The following EDN3 variants were observed in gnomAD, a reference collection of about 807,000 sequenced individuals.
The protein encoded by EDN3 is endothelin-3.
EDN3 carries 9 observed loss-of-function variants against 21.4 expected under a neutral mutation model. That is an observed-to-expected ratio of 0.42 (90% confidence interval 0.25 to 0.73). The LOEUF is 0.73. EDN3 is among the 30% of genes least tolerant of loss of function. The pLI is 0.26. For missense variants in EDN3, 327 were observed against 309.4 expected (o/e 1.06, Z -0.43); for synonymous variants, 133 against 126.2 (o/e 1.05, Z -0.36).
Position 59,322,034 on chromosome 20 carries a change from A to G in EDN3, c.543-338A>G, listed in dbSNP as rs1352491688. 2.0e-5 allele frequency among the ~76,000 whole-genome samples: 3 copies of G among 152,148 alleles called. No homozygotes were observed. The East Asian group carries it at 5.8e-4, about 29-fold the overall frequency. On this transcript the variant is annotated intron_variant, in intron 3 of 4. Transcript: ENST00000337938. This position sits in a 1 kb window ranked among gnomAD's most constrained non-coding sequence, Gnocchi z 4.1. The stretch of plus-strand genomic sequence containing the variant: ...CTGCCCTGATGCACACAAAAGACAC[A>G]TAGGCAGGGGTGAGCTCCCAACACC...
At chr20:59,301,813 G>A (rs576171139) in intron 2 of EDN3, 91 bp downstream of exon 2, 26 of 1,423,616 alleles carry the variant, frequency 1.8e-5, no homozygotes, top group East Asian at 1.8e-4. Flanking sequence ...CCCCAGCCCC[G>A]CTCAGTTAGC....
intron 1 of EDN3, among the ~76,000 whole-genome samples, chr20:59,301,073 A>G (rs1450806890): frequency 6.6e-6 from 1 of 152,192 alleles, no homozygotes; most frequent in African/African-American, 2.4e-5. Context: ...CAGCCCGCGC[A>G]CTGGCTGGAG....
intron 2 of EDN3, among the ~76,000 whole-genome samples, chr20:59,320,437 C>A (rs965146179): frequency 6.6e-6 from 1 of 152,254 alleles, no homozygotes; most frequent in Non-Finnish European, 1.5e-5. Context: ...CAGACCAGCA[C>A]GTAGGTTGCC....
chr20:59,313,392 G>A (rs979222678), intron 2 of EDN3, among the ~76,000 whole-genome samples: 4 of 152,134 alleles, frequency 2.6e-5, no homozygotes, highest in African/African-American at 9.7e-5. Flanking sequence ...TAAATGAAAC[G>A]AAGGAACTGG....
At chr20:59,321,614 G>GC (rs1990554825) in intron 3 of EDN3, among the ~76,000 whole-genome samples, 1 of 152,194 alleles carries the variant, frequency 6.6e-6, no homozygotes, top group Non-Finnish European at 1.5e-5. Context: ...TGGGAGGGGG[G>GC]GGAACCCAGC....
chr20:59,306,517 G>A (rs1007228968), intron 2 of EDN3, among the ~76,000 whole-genome samples: 2 of 145,946 alleles, frequency 1.4e-5, no homozygotes, highest in Non-Finnish European at 3.0e-5. Context: ...AGGCTGCCCT[G>A]GATCAAGCCA....
At chr20:59,301,344 T>TG in intron 1 of EDN3, 66 bp from the exon 2 acceptor site, 1 of 1,560,808 alleles carries the variant, frequency 6.4e-7, no homozygotes, top group Non-Finnish European at 8.7e-7. Flanking sequence ...CTCAGGTGTT[T>TG]GGGGGTGGCG....
At chr20:59,311,547 G>T (rs1280024046) in intron 2 of EDN3, among the ~76,000 whole-genome samples, 1 of 152,088 alleles carries the variant, frequency 6.6e-6, no homozygotes, top group African/African-American at 2.4e-5. Context: ...CATGGCGCTG[G>T]TGGGAGTGTC....
chr20:59,321,176 A>G lies in EDN3; in HGVS notation c.525A>G (p.Gln175=), dbSNP rs34780366. The G allele has an allele frequency of 8.1e-4, 1,308 of 1,614,180 alleles. 15 individuals carry two copies. In the African/African-American group the frequency reaches 0.015, roughly 19 times the overall value. The change falls in exon 3 of 5, where the codon CAA becomes CAG. Residue 175 remains glutamine (Q), a synonymous_variant. Transcript: ENST00000337938. ...YDKACLHFCT[Q]TLDVSSNSRT... is the part of the protein sequence containing the mutation. ...AGGCCTGCCTGCACTTTTGCACCCA[A>G]ACTCTGGACGTCAGCAGGTATGACA...
intron 2 of EDN3, among the ~76,000 whole-genome samples, chr20:59,319,916 A>T (rs1990420832): frequency 6.6e-6 from 1 of 152,346 alleles, no homozygotes; most frequent in African/African-American, 2.4e-5. Context: ...CTTTGGCCAC[A>T]TGTTTCTTCT....
At chr20:59,318,182 G>GA (rs1418923972) in intron 2 of EDN3, among the ~76,000 whole-genome samples, 1 of 152,210 alleles carries the variant, frequency 6.6e-6, no homozygotes, top group African/African-American at 2.4e-5. Context: ...CCTGCAGGGT[G>GA]ACAGCTGCTT....
intron 2 of EDN3, among the ~76,000 whole-genome samples, chr20:59,320,419 C>T (rs985677522): frequency 6.6e-6 from 1 of 152,222 alleles, no homozygotes; most frequent in South Asian, 2.1e-4. Context: ...CTGATCAGGG[C>T]GAAGACCCAG....
intron 2 of EDN3, among the ~76,000 whole-genome samples, chr20:59,317,001 G>T (rs1990227103): frequency 6.6e-6 from 1 of 152,180 alleles, no homozygotes; most frequent in Non-Finnish European, 1.5e-5. Flanking sequence ...TTGTATAAAG[G>T]ATTGTATTCT....
intron 2 of EDN3, among the ~76,000 whole-genome samples, chr20:59,316,143 G>A (rs1034470176): frequency 3.3e-5 from 5 of 152,258 alleles, no homozygotes; most frequent in South Asian, 4.1e-4. Context: ...CCAAGATTGC[G>A]CCACTGCACT....
At position 59,324,507 on chromosome 20, in the gene EDN3, TCACA is replaced by T. The variant is rs1990733633; in HGVS notation, c.*53_*56del. Reference sequence around the variant, plus strand: ...GGTCTCGGGAGGCTTCTGTCATTGCTCACACACAGTTCAGATTTCCACCTCTTTA... The same window carrying T: ...GGTCTCGGGAGGCTTCTGTCATTGCTCACAGTTCAGATTTCCACCTCTTTA... On this transcript the variant is annotated 3_prime_UTR_variant, in exon 5 of 5. Coordinates refer to ENST00000337938, the MANE Select transcript of EDN3 (RefSeq NM_207034.3). 22 of 1,613,014 alleles carry T rather than the reference TCACA, an allele frequency of 1.4e-5. No individual in the cohort carries two copies. Among genetic ancestry groups the T allele is most frequent in the Non-Finnish European group, 1.9e-5 (22 of 1,179,490 alleles).
rs11570292 is a variant in EDN3 at position 59,308,773 on chromosome 20, C to T, written c.365+7051C>T. On this transcript the variant is annotated intron_variant, in intron 2 of 4. Coordinates refer to ENST00000337938, the MANE Select transcript of EDN3 (RefSeq NM_207034.3). ...GCAGAAGCCCTTCCTGGGCCAAAAC[C>T]AGTCCTCCTGCCATATCCAATCCTG... is the stretch of plus-strand genomic sequence containing the variant. Among the ~76,000 whole-genome samples the T allele has an allele frequency of 3.0e-3, 461 of 152,262 alleles. 4 individuals carry two copies. The highest frequency in any genetic ancestry group is 0.011 in the African/African-American group (442 of 41,564).
At chr20:59,307,508 A>G (rs1202699932) in intron 2 of EDN3, among the ~76,000 whole-genome samples, 3 of 152,174 alleles carry the variant, frequency 2.0e-5, no homozygotes, top group African/African-American at 7.2e-5. Flanking sequence ...TCCTGTGTGC[A>G]TGTTCCCAAC....
intron 2 of EDN3, among the ~76,000 whole-genome samples, chr20:59,316,356 G>A (rs1344621097): frequency 1.3e-5 from 2 of 152,186 alleles, no homozygotes; most frequent in Non-Finnish European, 2.9e-5. Flanking sequence ...ATGTTGAAAA[G>A]CAGTTGGCAA....
At chr20:59,321,253 A>T (rs1990525468) in intron 3 of EDN3, 60 bp downstream of exon 3, 2 of 1,576,438 alleles carry the variant, frequency 1.3e-6, no homozygotes, top group South Asian at 2.2e-5. Flanking sequence ...CGGCAAGGCC[A>T]GGCCAGGGGC....
Sources: gnomAD v4.1 joint callset for allele counts (sites outside exome capture counted in the v4.1 genomes callset) on GRCh38, gnomAD v4.1.1 for gene constraint, Gnocchi (gnomAD v3.1) non-coding constraint, MANE v1.5 for transcripts, NCBI Gene and HGNC (gene_info 2026-07-23, HGNC 2026-07-21) for gene names.